The following SLC4A4 variants were observed in gnomAD, a reference collection of about 807,000 sequenced individuals.
SLC4A4 encodes electrogenic sodium bicarbonate cotransporter 1.
A neutral mutation model predicts 111.5 loss-of-function variants in SLC4A4; 27 were observed. The ratio of observed to expected loss-of-function variants is 0.24; its 90% confidence interval spans 0.18 to 0.33. SLC4A4 has a LOEUF of 0.33. Among genes scored for constraint, SLC4A4 ranks in the 10% least tolerant of loss-of-function variants. The pLI is 1.00. For missense variants in SLC4A4, 909 were observed against 1,315.5 expected (o/e 0.69, Z 4.78); for synonymous variants, 443 against 463.4 (o/e 0.96, Z 0.57).
At chr4:71,331,205 A>G (rs1727953818) in intron 3 of SLC4A4, among the ~76,000 whole-genome samples, 1 of 152,206 alleles carries the variant, frequency 6.6e-6, no homozygotes, top group African/African-American at 2.4e-5. Flanking sequence ...TAGAAATACC[A>G]TTTGACCCAG....
chr4:71,358,928 T>G (rs1426526168), intron 6 of SLC4A4, among the ~76,000 whole-genome samples: 1 of 152,208 alleles, frequency 6.6e-6, no homozygotes, highest in African/African-American at 2.4e-5. Flanking sequence ...CTGATTTAAT[T>G]CGTTTATCAT....
intron 2 of SLC4A4, among the ~76,000 whole-genome samples, chr4:71,171,714 A>T (rs976785648): frequency 1.3e-5 from 2 of 152,106 alleles, no homozygotes; most frequent in Non-Finnish European, 2.9e-5. Flanking sequence ...TAGTATGTAA[A>T]TTTTCTTTTG....
At chr4:71,447,909 G>A (rs1324652691) in intron 9 of SLC4A4, among the ~76,000 whole-genome samples, 176 bp downstream of exon 9, 1 of 152,170 alleles carries the variant, frequency 6.6e-6, no homozygotes, top group Non-Finnish European at 1.5e-5. Context: ...CAAAAAGTAA[G>A]GCATGCATTT....
intron 3 of SLC4A4, among the ~76,000 whole-genome samples, chr4:71,290,929 T>A (rs1382385709): frequency 3.9e-5 from 6 of 152,206 alleles, no homozygotes; most frequent in Non-Finnish European, 8.8e-5. Context: ...TTGTCAGAGA[T>A]GTTGAGTTGT....
intron 3 of SLC4A4, among the ~76,000 whole-genome samples, chr4:71,331,577 G>A (rs1157464227): frequency 2.1e-5 from 3 of 139,754 alleles, no homozygotes; most frequent in African/African-American, 8.1e-5. Flanking sequence ...ACTGGGGCCT[G>A]TTGTGGGGTT....
intron 1 of SLC4A4, among the ~76,000 whole-genome samples, chr4:71,229,056 A>AACAAAT (rs2149029942): frequency 6.6e-6 from 1 of 152,332 alleles, no homozygotes; most frequent in African/African-American, 2.4e-5. Context: ...CCTTGTTAAC[A>AACAAAT]ACAAATACCT....
rs1307077135 is a variant in SLC4A4 at position 71,450,544 on chromosome 4, G to A, written c.1208+1G>A. On this transcript the variant is annotated splice_donor_variant, in intron 10 of 25. Coordinates refer to ENST00000264485, the MANE Select transcript of SLC4A4 (RefSeq NM_001098484.3). LOFTEE classifies it high-confidence loss of function. ...AGAGTCTTCCATCCTCTGACAAAAG[G>A]TAAATTATAGGCAGTTGATAATTTT... 6.2e-7 allele frequency: 1 copy of A among 1,612,878 alleles called. No individual in the cohort carries two copies. Among genetic ancestry groups the A allele is most frequent in the African/African-American group, 1.3e-5 (1 of 74,952 alleles).
intron 1 of SLC4A4, among the ~76,000 whole-genome samples, chr4:71,067,789 C>T (rs1741560834): frequency 6.6e-6 from 1 of 151,826 alleles, no homozygotes; most frequent in Non-Finnish European, 1.5e-5. Flanking sequence ...CACTTTGCTG[C>T]CCAGTCTAGA....
chr4:71,218,316 T>C (rs1282906952), intron 1 of SLC4A4, among the ~76,000 whole-genome samples: 2 of 152,224 alleles, frequency 1.3e-5, no homozygotes, highest in Admixed American at 1.3e-4. Flanking sequence ...CTGGTTATGG[T>C]TAATTTTATT....
intron 4 of SLC4A4, among the ~76,000 whole-genome samples, chr4:71,348,352 C>CACACA (rs1729514994): frequency 7.3e-6 from 1 of 136,522 alleles, no homozygotes; most frequent in South Asian, 2.4e-4. Flanking sequence ...CACACACACA[C>CACACA]ACTAGAAGTC....
At position 71,470,571 on chromosome 4, in the gene SLC4A4, G is replaced by C. The variant is rs182319811; in HGVS notation, c.1632-2128G>C. 1.4e-3 allele frequency among the ~76,000 whole-genome samples: 218 copies of C among 152,096 alleles called. 1 individual carries two copies. Among genetic ancestry groups the C allele is most frequent in the Middle Eastern group, 3.4e-3 (1 of 294 alleles). On this transcript the variant is annotated intron_variant, in intron 13 of 25. Coordinates refer to ENST00000264485, the MANE Select transcript of SLC4A4 (RefSeq NM_001098484.3). ...TTGGATAAATGATTTAACTTCCATTGGTCTTGGTGTCTTTATCTATAAAAT... is the reference window on the plus strand; with the variant it reads ...TTGGATAAATGATTTAACTTCCATTCGTCTTGGTGTCTTTATCTATAAAAT...
At chr4:71,298,618 C>T (rs184547808) in intron 3 of SLC4A4, among the ~76,000 whole-genome samples, 1 of 152,292 alleles carries the variant, frequency 6.6e-6, no homozygotes, top group East Asian at 1.9e-4. Flanking sequence ...TTTGCTTACA[C>T]AGTCAACAAC....
chr4:71,401,748 A>G (rs915250408), intron 7 of SLC4A4, among the ~76,000 whole-genome samples: 7 of 152,126 alleles, frequency 4.6e-5, no homozygotes, highest in African/African-American at 7.2e-5. Context: ...TAGTGGTGCA[A>G]TGGCTTTAAA....
intron 13 of SLC4A4, 152 bp from the exon 14 acceptor site, chr4:71,472,547 T>C (rs1727980795): frequency 1.3e-6 from 1 of 756,074 alleles, no homozygotes; most frequent in African/African-American, 1.8e-5. Context: ...ATTCTTAAAC[T>C]TAGTGCTTTC....
intron 2 of SLC4A4, among the ~76,000 whole-genome samples, chr4:71,238,373 AGAC>A (rs1422488299): frequency 2.0e-5 from 3 of 152,228 alleles, no homozygotes; most frequent in Non-Finnish European, 2.9e-5. Context: ...CACAAAATTA[AGAC>A]GACAATATAA....
intron 16 of SLC4A4, among the ~76,000 whole-genome samples, chr4:71,524,415 C>T (rs907248817): frequency 1.3e-5 from 2 of 152,160 alleles, no homozygotes. Flanking sequence ...TGAACCACTT[C>T]ACTAGGCTTA....
intron 2 of SLC4A4, among the ~76,000 whole-genome samples, chr4:71,177,795 C>T (rs188370403): frequency 0.01 from 1,524 of 152,166 alleles, 12 homozygotes; most frequent in South Asian, 0.026. Flanking sequence ...ACAAGGATAT[C>T]CAGGAATTGA....
chr4:71,116,945 A>C lies in SLC4A4; in HGVS notation c.-2+24153A>C, dbSNP rs561632823. Among the ~76,000 whole-genome samples the C allele has an allele frequency of 3.4e-3, 361 of 105,004 alleles. 3 individuals carry two copies. Among genetic ancestry groups the C allele is most frequent in the African/African-American group, 0.014 (337 of 24,342 alleles). The allele number at this position is 105,004 out of a possible 152,430, so 68.9% of individuals were successfully genotyped here. ...GCAACAAGAGCGAAACTCCATCTCA[A>C]AAAAAAAAAAAAATGCTTGTAAAAA... is the stretch of plus-strand genomic sequence containing the variant. On this transcript the variant is annotated intron_variant, in intron 2 of 26. Transcript: ENST00000649996.
chr4:71,532,199 T>G, intron 17 of SLC4A4, 24 bp downstream of exon 17: 1 of 1,280,712 alleles, frequency 7.8e-7, no homozygotes, highest in Non-Finnish European at 1.1e-6. Flanking sequence ...TATCTTTTGG[T>G]CATTCCTGGA....
Sources: gnomAD v4.1 joint callset for allele counts (sites outside exome capture counted in the v4.1 genomes callset) on GRCh38, gnomAD v4.1.1 for gene constraint, MANE v1.5 for transcripts, NCBI Gene and HGNC (gene_info 2026-07-23, HGNC 2026-07-21) for gene names.